Variants in SMAD9 observed in about 807,000 individuals in gnomAD.
SMAD9 encodes the protein MAD homolog 9.
Under a neutral mutation model 46.1 loss-of-function variants are expected in SMAD9, and 36 were observed. That is an observed-to-expected ratio of 0.78 (90% confidence interval 0.60 to 1.03). The LOEUF is 1.03. Ranked by LOEUF, SMAD9 falls within the 50% of genes least tolerant of loss-of-function variation. The pLI, the probability that SMAD9 is intolerant of heterozygous loss-of-function variation, is 0.00. For synonymous variants in SMAD9, 245 were observed against 237.1 expected, an observed-to-expected ratio of 1.03 and a Z score of -0.31; for missense variants, 572 against 599.8, an observed-to-expected ratio of 0.95 and a Z score of 0.48.
chr13:36,880,807 T>C (rs1353298251), intron 1 of SMAD9, among the ~76,000 whole-genome samples: 2 of 152,220 alleles, frequency 1.3e-5, no homozygotes, highest in Non-Finnish European at 2.9e-5. Flanking sequence ...CTCTTCTCAA[T>C]AACTTTTTTG....
intron 5 of SMAD9, among the ~76,000 whole-genome samples, chr13:36,857,197 A>G (rs567150063): frequency 7.7e-5 from 10 of 129,776 alleles, no homozygotes; most frequent in Admixed American, 2.8e-4. Context: ...AAATGCTTAA[A>G]AGAGACATCA....
intron 1 of SMAD9, among the ~76,000 whole-genome samples, chr13:36,894,434 G>A (rs777435292): frequency 1.3e-5 from 2 of 152,066 alleles, no homozygotes; most frequent in African/African-American, 2.4e-5. Context: ...GCAGAACTAC[G>A]AGTCCATTAA....
At position 36,917,342 on chromosome 13, in the gene SMAD9, T is replaced by C. The variant is rs1479090357; in HGVS notation, c.-187+2774A>G. On this transcript the variant is annotated intron_variant, in intron 1 of 6. Coordinates refer to ENST00000379826, the MANE Select transcript of SMAD9 (RefSeq NM_001127217.3). ...GACATGGACATTCACCAGGATAACATGAAACATTGTGAAAATGCTCACAGT... is the reference window on the plus strand; with the variant it reads ...GACATGGACATTCACCAGGATAACACGAAACATTGTGAAAATGCTCACAGT... Among the ~76,000 whole-genome samples the C allele has an allele frequency of 1.3e-5, 2 of 152,234 alleles. 1 individual carries two copies. Among genetic ancestry groups the C allele is most frequent in the Non-Finnish European group, 2.9e-5 (2 of 68,022 alleles).
intron 2 of SMAD9, among the ~76,000 whole-genome samples, chr13:36,877,983 G>A (rs1316253390): frequency 9.2e-5 from 14 of 152,180 alleles, no homozygotes; most frequent in Admixed American, 9.2e-4. Context: ...CTGGGATGAG[G>A]CAGATGGCCA....
intron 1 of SMAD9, among the ~76,000 whole-genome samples, chr13:36,917,728 C>A (rs1392775027): frequency 6.6e-6 from 1 of 152,158 alleles, no homozygotes; most frequent in African/African-American, 2.4e-5. Context: ...TTATTTCCCA[C>A]ATATTAAAGC....
At chr13:36,904,567 TC>T (rs748752012) in intron 1 of SMAD9, among the ~76,000 whole-genome samples, 1 of 152,186 alleles carries the variant, frequency 6.6e-6, no homozygotes, top group East Asian at 1.9e-4. Context: ...ATACATTGCC[TC>T]AGGCAATTTA....
intron 1 of SMAD9, among the ~76,000 whole-genome samples, chr13:36,886,764 G>A (rs1172494915): frequency 6.6e-6 from 1 of 152,218 alleles, no homozygotes; most frequent in Non-Finnish European, 1.5e-5. Context: ...GACCCCTTGA[G>A]GAGGTGACAA....
At chr13:36,849,015 A>C (rs750904625) in intron 6 of SMAD9, among the ~76,000 whole-genome samples, 196 bp from the exon 7 acceptor site, 12 of 152,232 alleles carry the variant, frequency 7.9e-5, no homozygotes, top group Non-Finnish European at 1.8e-4. Flanking sequence ...AGATGAATCC[A>C]AATCAGTGCA....
intron 1 of SMAD9, among the ~76,000 whole-genome samples, chr13:36,891,702 A>C (rs1469516135): frequency 6.6e-6 from 1 of 152,172 alleles, no homozygotes; most frequent in Non-Finnish European, 1.5e-5. Context: ...ATCCTAGGGC[A>C]TAAGCTCAAG....
At chr13:36,877,869 T>C (rs2058360720) in intron 2 of SMAD9, among the ~76,000 whole-genome samples, 1 of 152,178 alleles carries the variant, frequency 6.6e-6, no homozygotes. Context: ...AATCACTTAT[T>C]GGATACTGTT....
chr13:36,914,429 G>A (rs1414020473), intron 1 of SMAD9, among the ~76,000 whole-genome samples: 3 of 152,176 alleles, frequency 2.0e-5, no homozygotes, highest in Non-Finnish European at 4.4e-5. Flanking sequence ...TGAAGCGGGA[G>A]AATGGCATGA....
chr13:36,909,014 C>A (rs2058639989), intron 1 of SMAD9, among the ~76,000 whole-genome samples: 1 of 152,204 alleles, frequency 6.6e-6, no homozygotes. Context: ...AAGCCTTGGT[C>A]TACATTTACT....
intron 5 of SMAD9, among the ~76,000 whole-genome samples, chr13:36,863,369 T>C (rs993124780): frequency 2.0e-5 from 3 of 152,228 alleles, no homozygotes; most frequent in South Asian, 2.1e-4. Flanking sequence ...CTTCGGACCA[T>C]GTGACAGTGA....
chr13:36,876,876 G>T (rs893824125), intron 2 of SMAD9, among the ~76,000 whole-genome samples: 1 of 151,646 alleles, frequency 6.6e-6, no homozygotes, highest in Admixed American at 6.6e-5. Flanking sequence ...TAGCTAACTA[G>T]ATATAAAATC....
At chr13:36,892,643 C>G (rs2058497109) in intron 1 of SMAD9, among the ~76,000 whole-genome samples, 1 of 152,130 alleles carries the variant, frequency 6.6e-6, no homozygotes. Flanking sequence ...ACATCAGGAA[C>G]GACGGAGCTG....
At chr13:36,895,045 C>T (rs558315159) in intron 1 of SMAD9, among the ~76,000 whole-genome samples, 2 of 152,228 alleles carry the variant, frequency 1.3e-5, no homozygotes, top group African/African-American at 4.8e-5. Context: ...CCTCAATCTC[C>T]GGCAGTCAGT....
intron 6 of SMAD9, chr13:36,852,659 C>A: frequency 1.4e-6 from 1 of 721,028 alleles, no homozygotes; most frequent in Non-Finnish European, 1.7e-6. Flanking sequence ...GTATTAGAAC[C>A]AACCCTGCCT....
rs371433324 is a variant in SMAD9, at chr13:36,865,689, C to G, written c.851G>C (p.Arg284Pro). Residue 284 changes from arginine (R) to proline (P), a missense_variant, in exon 5 of 7, where the codon CGA (arginine) becomes CCA (proline). Physicochemically the swap from Arg to Pro is moderately radical, Grantham distance 103. Coordinates refer to ENST00000379826, the MANE Select transcript of SMAD9 (RefSeq NM_001127217.3). ...GGAAGCCTGGAATGTCTCCCCAACT[C>G]GGTTGTTCAGTTCATAGTAGGCGAC... ...CSVAYYELNN[R>P]VGETFQASSR... 1 of 1,614,100 alleles carries G rather than the reference C, an allele frequency of 6.2e-7. No homozygotes were observed. Among genetic ancestry groups the G allele is most frequent in the Non-Finnish European group, 8.5e-7 (1 of 1,180,004 alleles).
At chr13:36,856,241 G>C (rs935050935) in intron 5 of SMAD9, among the ~76,000 whole-genome samples, 1 of 152,240 alleles carries the variant, frequency 6.6e-6, no homozygotes, top group Non-Finnish European at 1.5e-5. Flanking sequence ...GAAGGGGCCA[G>C]AGTGGAGCTG....
Sources: allele counts gnomAD v4.1 joint callset (sites outside exome capture counted in the v4.1 genomes callset), GRCh38; gene constraint gnomAD v4.1.1; transcripts MANE v1.5; gene names NCBI Gene and HGNC (gene_info 2026-07-23, HGNC 2026-07-21).